BABAM2: variants seen among roughly 807,000 people sequenced by gnomAD.
The protein encoded by BABAM2 is BRISC and BRCA1 A complex member 2, also known as BRISC and BRCA1-A complex member 2.
A neutral mutation model predicts 54.7 loss-of-function variants in BABAM2; 31 were observed. That is an observed-to-expected ratio of 0.57 (90% CI 0.43 to 0.77). BABAM2 has a LOEUF of 0.77. Ranked by LOEUF, BABAM2 falls within the 30% of genes least tolerant of loss-of-function variation. BABAM2 has a pLI of 0.00. For missense variants in BABAM2, 364 were observed against 455.8 expected (o/e 0.80, Z 1.83); for synonymous variants, 167 against 162.9 (o/e 1.03, Z -0.19).
chr2:28,324,642 T>A (rs922233666), intron 11 of BABAM2, among the ~76,000 whole-genome samples: 7 of 146,544 alleles, frequency 4.8e-5, no homozygotes, highest in Non-Finnish European at 7.5e-5. Flanking sequence ...AAAAAAAAAA[T>A]TAATTAGCTG....
intron 4 of BABAM2, among the ~76,000 whole-genome samples, chr2:27,994,725 G>GT (rs1199434552): frequency 2.6e-5 from 4 of 152,104 alleles, no homozygotes; most frequent in African/African-American, 7.2e-5. Flanking sequence ...GTTATTTTCA[G>GT]TTTTTTTGCT....
intron 6 of BABAM2, among the ~76,000 whole-genome samples, chr2:28,069,129 G>A (rs1253558094): frequency 2.0e-5 from 3 of 152,028 alleles, no homozygotes; most frequent in Admixed American, 6.6e-5. Context: ...CCCTGCATTT[G>A]TTCTCTTCCT....
chr2:27,978,648 T>A (rs1442772202), intron 3 of BABAM2, among the ~76,000 whole-genome samples: 2 of 152,142 alleles, frequency 1.3e-5, no homozygotes, highest in Non-Finnish European at 2.9e-5. Context: ...TTTTTCAAGT[T>A]TCATTTTAGG....
intron 10 of BABAM2, among the ~76,000 whole-genome samples, chr2:28,250,584 C>CTTTTTTTTTTTTTTTTTTTTTTTTTT (rs34597279): frequency 2.9e-5 from 4 of 137,016 alleles, no homozygotes; most frequent in Non-Finnish European, 4.6e-5. Flanking sequence ...ATATTTTTTT[C>CTTTTTTTTTTTTTTTTTTTTTTTTTT]TTTTTTTTTT....
At chr2:28,068,851 A>G (rs997284235) in intron 6 of BABAM2, among the ~76,000 whole-genome samples, 1 of 152,166 alleles carries the variant, frequency 6.6e-6, no homozygotes, top group African/African-American at 2.4e-5. Context: ...ATAAAAACTA[A>G]AAAAAATGAG....
chr2:28,151,431 T>C (rs1672024264), intron 7 of BABAM2, among the ~76,000 whole-genome samples: 1 of 151,946 alleles, frequency 6.6e-6, no homozygotes, highest in Non-Finnish European at 1.5e-5. Context: ...ATTAGCCAGG[T>C]GTGGTGGCAA....
At chr2:28,015,135 C>G (rs1674706101) in intron 4 of BABAM2, among the ~76,000 whole-genome samples, 2 of 152,118 alleles carry the variant, frequency 1.3e-5, no homozygotes, top group Non-Finnish European at 2.9e-5. Context: ...CAGTAAAGGG[C>G]AAGACTGCTG....
intron 7 of BABAM2, among the ~76,000 whole-genome samples, chr2:28,188,184 A>C (rs184069968): frequency 6.6e-6 from 1 of 152,176 alleles, no homozygotes; most frequent in Non-Finnish European, 1.5e-5. Flanking sequence ...GAAGGCTCCC[A>C]TGCCATCATT....
intron 11 of BABAM2, among the ~76,000 whole-genome samples, chr2:28,330,825 T>A (rs1361636963): frequency 6.6e-6 from 1 of 152,242 alleles, no homozygotes; most frequent in East Asian, 1.9e-4. Flanking sequence ...AGAATTTTTT[T>A]AAAAATTCTA....
upstream of BABAM2, chr2:27,890,230 A>C: frequency 6.2e-7 from 1 of 1,608,580 alleles, no homozygotes; most frequent in African/African-American, 1.3e-5. The surrounding 1 kb of genome is among the most constrained non-coding windows in gnomAD (Gnocchi z 4.8). Context: ...CCCGAGCCGC[A>C]GACTGAGTAA....
At chr2:28,205,097 A>C (rs554667629) in intron 7 of BABAM2, among the ~76,000 whole-genome samples, 21 of 151,984 alleles carry the variant, frequency 1.4e-4, no homozygotes, top group Non-Finnish European at 2.8e-4. Flanking sequence ...TCATTCATGC[A>C]CGTAGCTGAC....
At chr2:28,141,225 TACAC>T (rs918949723) in intron 7 of BABAM2, among the ~76,000 whole-genome samples, 1 of 152,046 alleles carries the variant, frequency 6.6e-6, no homozygotes, top group Non-Finnish European at 1.5e-5. Flanking sequence ...ATCACACACA[TACAC>T]ACACACAGAG....
intron 6 of BABAM2, among the ~76,000 whole-genome samples, chr2:28,050,010 C>G (rs1677883014): frequency 1.3e-5 from 2 of 152,176 alleles, no homozygotes; most frequent in Admixed American, 6.5e-5. Context: ...AGGAGTGAAT[C>G]TGACTTGATA....
chr2:28,001,214 T>C (rs1438644779), intron 4 of BABAM2, among the ~76,000 whole-genome samples: 1 of 152,234 alleles, frequency 6.6e-6, no homozygotes, highest in Non-Finnish European at 1.5e-5. Flanking sequence ...TACTTCCACA[T>C]GGATCATTCT....
At chr2:28,052,587 C>T (rs138563221) in intron 6 of BABAM2, among the ~76,000 whole-genome samples, 167 of 151,946 alleles carry the variant, frequency 1.1e-3, no homozygotes, top group African/African-American at 4.0e-3. Context: ...CACACCCGGC[C>T]GTAATCATAG....
intron 2 of BABAM2, among the ~76,000 whole-genome samples, chr2:27,927,564 C>G (rs557725777): frequency 6.6e-6 from 1 of 152,196 alleles, no homozygotes; most frequent in South Asian, 2.1e-4. Flanking sequence ...TTTCTGTAGT[C>G]TTTTAAAATA....
chr2:28,158,001 T>C (rs541979869), intron 7 of BABAM2, among the ~76,000 whole-genome samples: 36 of 152,304 alleles, frequency 2.4e-4, no homozygotes, highest in African/African-American at 8.4e-4. Flanking sequence ...TCATGAGTAG[T>C]TATCCAAGCA....
At chr2:28,020,811 A>G (rs1047705223) in intron 4 of BABAM2, among the ~76,000 whole-genome samples, 1 of 152,118 alleles carries the variant, frequency 6.6e-6, no homozygotes, top group South Asian at 2.1e-4. Context: ...CAGTTTCATG[A>G]TATTACAAAT....
At chr2:28,182,922 T>C (rs907408652) in intron 7 of BABAM2, among the ~76,000 whole-genome samples, 1 of 152,148 alleles carries the variant, frequency 6.6e-6, no homozygotes, top group South Asian at 2.1e-4. Context: ...CTTGAAAAGA[T>C]TGGGAAGCAC....
Sources: allele counts gnomAD v4.1 joint callset (sites outside exome capture counted in the v4.1 genomes callset), GRCh38; gene constraint gnomAD v4.1.1; non-coding constraint Gnocchi (gnomAD v3.1); transcripts MANE v1.5; gene names NCBI Gene and HGNC (gene_info 2026-07-23, HGNC 2026-07-21).